IKBKB-DT: variants seen among roughly 807,000 people sequenced by gnomAD.
IKBKB-DT encodes the protein IKBKB antisense RNA.
chr8:42,243,406 A>T (rs542570263), intron 3 of IKBKB-DT, among the ~76,000 whole-genome samples: 4 of 152,238 alleles, frequency 2.6e-5, no homozygotes, highest in Non-Finnish European at 4.4e-5. Flanking sequence ...AGGAAAAAGA[A>T]GAAAGAGAAA....
intron 3 of IKBKB-DT, among the ~76,000 whole-genome samples, chr8:42,259,991 A>AAAC (rs1482514412): frequency 6.6e-6 from 1 of 151,588 alleles, no homozygotes; most frequent in African/African-American, 2.4e-5. Context: ...CAAAAAAAAA[A>AAAC]AAACAAAAAA....
chr8:42,252,543 T>G (rs1807142760), intron 3 of IKBKB-DT, among the ~76,000 whole-genome samples: 1 of 152,180 alleles, frequency 6.6e-6, no homozygotes, highest in African/African-American at 2.4e-5. Flanking sequence ...TTTTTTAAAT[T>G]TTTGGTAAAG....
intron 2 of IKBKB-DT, among the ~76,000 whole-genome samples, chr8:42,265,322 C>T (rs368719020): frequency 1.3e-5 from 2 of 152,180 alleles, no homozygotes; most frequent in Admixed American, 6.6e-5. Flanking sequence ...ATTCTGCTTT[C>T]GGAGTTGCTT....
At chr8:42,270,411 AC>A (rs1807555974) in intron 1 of IKBKB-DT, 1 of 152,270 alleles carries the variant, frequency 6.6e-6, no homozygotes, top group Admixed American at 6.6e-5. Flanking sequence ...CTGTGATCAC[AC>A]CACTGCACTC....
chr8:42,235,205 C>CTTTTTTTTTTTTTTTT (rs746414963), intron 3 of IKBKB-DT, among the ~76,000 whole-genome samples: 40 of 99,390 alleles, frequency 4.0e-4, no homozygotes, highest in African/African-American at 6.8e-4. Context: ...CTTTTATTTT[C>CTTTTTTTTTTTTTTTT]TTTTTTTTTT....
intron 3 of IKBKB-DT, among the ~76,000 whole-genome samples, chr8:42,250,068 G>A (rs1807112961): frequency 6.6e-6 from 1 of 151,924 alleles, no homozygotes; most frequent in Admixed American, 6.6e-5. Context: ...AAAAACTAGA[G>A]GTTTTTGTTT....
At chr8:42,252,901 A>C (rs1807146529) in intron 3 of IKBKB-DT, among the ~76,000 whole-genome samples, 1 of 152,218 alleles carries the variant, frequency 6.6e-6, no homozygotes, top group African/African-American at 2.4e-5. Context: ...TAACATGACA[A>C]AGAAGAAAGT....
chr8:42,252,300 G>A (rs1227975399), intron 3 of IKBKB-DT, among the ~76,000 whole-genome samples: 2 of 152,156 alleles, frequency 1.3e-5, no homozygotes, highest in African/African-American at 4.8e-5. Flanking sequence ...TAAACCCCAT[G>A]CATTCCACCA....
At chr8:42,260,882 A>G (rs1807277782) in intron 3 of IKBKB-DT, among the ~76,000 whole-genome samples, 1 of 152,116 alleles carries the variant, frequency 6.6e-6, no homozygotes, top group African/African-American at 2.4e-5. Context: ...TGGCTTTGCC[A>G]CAGAAATGAG....
rs570951228 is a variant in IKBKB-DT at position 42,235,960 on chromosome 8, G to A, written n.1530-2101C>T. ...TTGAACCGGGTGGGGGTTGGGGGGC[G>A]GAGGTTGCAGTCAGCTGAGATCACA... On this transcript the variant is annotated intron_variant and non_coding_transcript_variant, in intron 3 of 3. Coordinates refer to ENST00000518213, the Ensembl canonical transcript of IKBKB-DT. 2.6e-5 allele frequency among the ~76,000 whole-genome samples: 4 copies of A among 152,142 alleles called. No individual in the cohort carries two copies. In the Middle Eastern group the frequency reaches 0.01, roughly 388 times the overall value.
intron 3 of IKBKB-DT, among the ~76,000 whole-genome samples, chr8:42,259,875 G>A (rs1378995544): frequency 2.0e-5 from 3 of 151,620 alleles, no homozygotes; most frequent in African/African-American, 7.3e-5. Context: ...TCAGCTACTC[G>A]GGAGGCTGAG....
chr8:42,271,018 G>A (rs1408909714), exon 1 of IKBKB-DT: 3 of 224,118 alleles, frequency 1.3e-5, no homozygotes, highest in Admixed American at 5.8e-5. Flanking sequence ...TAGGGGGCCG[G>A]GTGAAGAAAT....
chr8:42,269,457 A>AAGGGAGGGGAAGG (rs1554504334), intron 1 of IKBKB-DT, among the ~76,000 whole-genome samples: 2 of 23,338 alleles, frequency 8.6e-5, no homozygotes, highest in African/African-American at 3.8e-4. Flanking sequence ...AGGGGAGGGG[A>AAGGGAGGGGAAGG]GGGGAGGGGA....
chr8:42,266,294 C>T (rs567259950), exon 2 of IKBKB-DT: 6 of 152,222 alleles, frequency 3.9e-5, no homozygotes, highest in Non-Finnish European at 5.9e-5. Context: ...TGCCTTACGG[C>T]CTCTTATCTT....
intron 3 of IKBKB-DT, among the ~76,000 whole-genome samples, chr8:42,246,414 T>C (rs1295433241): frequency 1.3e-5 from 2 of 152,234 alleles, no homozygotes; most frequent in Non-Finnish European, 2.9e-5. Flanking sequence ...AGTTTCACTT[T>C]CTATAATATG....
chr8:42,249,417 A>ATGTGTGTGTGTG (rs35004589), intron 3 of IKBKB-DT: 5 of 129,728 alleles, frequency 3.9e-5, no homozygotes, highest in African/African-American at 1.9e-4. Context: ...ATGTATATAT[A>ATGTGTGTGTGTG]TGTGTGTGTG....
chr8:42,255,236 G>A (rs1198514926), intron 3 of IKBKB-DT: 1 of 152,206 alleles, frequency 6.6e-6, no homozygotes, highest in Non-Finnish European at 1.5e-5. Flanking sequence ...TGACAGCCTT[G>A]TTTGTGATCT....
intron 3 of IKBKB-DT, among the ~76,000 whole-genome samples, chr8:42,254,210 A>G (rs1807164619): frequency 6.6e-6 from 1 of 152,226 alleles, no homozygotes; most frequent in Admixed American, 6.5e-5. Context: ...TTTACTTTTT[A>G]CAGGTGCATA....
chr8:42,267,376 C>T (rs1489275813), intron 1 of IKBKB-DT, among the ~76,000 whole-genome samples: 2 of 152,172 alleles, frequency 1.3e-5, no homozygotes, highest in African/African-American at 4.8e-5. Context: ...AGAACCCTCT[C>T]TTGGGGTCTG....
Sources: gnomAD v4.1 joint callset for allele counts (sites outside exome capture counted in the v4.1 genomes callset) on GRCh38, gnomAD v4.1.1 for gene constraint, MANE v1.5 for transcripts, NCBI Gene and HGNC (gene_info 2026-07-23, HGNC 2026-07-21) for gene names.